The following COG4 variants were observed in gnomAD, a reference collection of about 807,000 sequenced individuals.
The protein encoded by COG4 is component of oligomeric golgi complex 4.
A neutral mutation model predicts 95.1 loss-of-function variants in COG4; 65 were observed. The observed-to-expected ratio is 0.68, with a 90% CI of 0.56 to 0.84. COG4 has a LOEUF of 0.84. Ranked by LOEUF, COG4 falls within the 40% of genes least tolerant of loss-of-function variation. COG4 has a pLI of 0.00. For missense variants in COG4, 1,045 were observed against 989.1 expected (o/e 1.06, Z -0.76); for synonymous variants, 421 against 374.8 (o/e 1.12, Z -1.42).
intron 9 of COG4, among the ~76,000 whole-genome samples, chr16:70,499,316 GAT>G (rs1229267773): frequency 2.6e-5 from 4 of 152,124 alleles, no homozygotes; most frequent in African/African-American, 9.7e-5. Context: ...TCTGAATAGT[GAT>G]AGTCATCATT....
At chr16:70,483,352 G>A (rs1393862731) in intron 14 of COG4, among the ~76,000 whole-genome samples, 4 of 143,636 alleles carry the variant, frequency 2.8e-5, no homozygotes, top group Middle Eastern at 3.5e-3. Context: ...ACTGCAGGGC[G>A]TTCTTCCAGC....
intron 2 of COG4, among the ~76,000 whole-genome samples, chr16:70,518,034 G>A (rs1667102492): frequency 1.3e-5 from 2 of 151,888 alleles, no homozygotes; most frequent in Admixed American, 6.6e-5. Context: ...GGGTTCAAGC[G>A]ATTCTCCTGC....
rs570008624 is a variant in COG4 at position 70,509,118 on chromosome 16, T to C, written c.1002+113A>G. On this transcript the variant is annotated intron_variant, in intron 7 of 18. Transcript: ENST00000323786. ...CAGGCCAGTGTGCGCTTAGCATTTA[T>C]TTTTCTCCTGTCTGCACCTTTTTTT... The C allele has an allele frequency of 3.0e-5, 41 of 1,366,372 alleles. No individual in the cohort carries two copies. The African/African-American group carries it at 5.6e-4, about 19-fold the overall frequency. 84.6% of individuals were successfully genotyped at this position (1,366,372 alleles called of 1,614,324 possible).
intron 5 of COG4, among the ~76,000 whole-genome samples, 196 bp downstream of exon 5, chr16:70,512,043 C>G (rs1170708968): frequency 6.6e-6 from 1 of 152,146 alleles, no homozygotes; most frequent in East Asian, 1.9e-4. Flanking sequence ...CTTGGCCATG[C>G]CTGGTACACA....
intron 5 of COG4, among the ~76,000 whole-genome samples, chr16:70,511,204 C>G (rs956447465): frequency 2.0e-5 from 3 of 152,158 alleles, no homozygotes; most frequent in Admixed American, 2.0e-4. Context: ...TCAGAGGTGA[C>G]CATTGTTAAC....
intron 1 of COG4, 61 bp downstream of exon 1, chr16:70,523,312 C>T: frequency 6.3e-7 from 1 of 1,596,546 alleles, no homozygotes; most frequent in Non-Finnish European, 8.6e-7. Context: ...CCGGATTTCC[C>T]GACTGAAGGC....
chr16:70,494,629 G>A (rs2049304693), intron 12 of COG4, among the ~76,000 whole-genome samples: 1 of 152,160 alleles, frequency 6.6e-6, no homozygotes, highest in African/African-American at 2.4e-5. Flanking sequence ...AACGGAACTG[G>A]AAAGGTGGTA....
intron 13 of COG4, among the ~76,000 whole-genome samples, chr16:70,487,103 C>T (rs2049153406): frequency 6.6e-6 from 1 of 151,536 alleles, no homozygotes; most frequent in African/African-American, 2.4e-5. Context: ...CCAGCCTAGA[C>T]AGCATGGTGA....
At chr16:70,505,834 A>G (rs1423260753) in intron 8 of COG4, among the ~76,000 whole-genome samples, 7 of 151,872 alleles carry the variant, frequency 4.6e-5, no homozygotes, top group Non-Finnish European at 7.4e-5. Context: ...GTCTCAAAAA[A>G]AGAAAATAAA....
intron 8 of COG4, among the ~76,000 whole-genome samples, chr16:70,503,256 T>C (rs541267023): frequency 6.6e-6 from 1 of 152,310 alleles, no homozygotes; most frequent in East Asian, 1.9e-4. Flanking sequence ...TTCCCCATGT[T>C]GTCCAGGCTG....
At chr16:70,521,276 G>A (rs993115287) in intron 1 of COG4, among the ~76,000 whole-genome samples, 2 of 151,960 alleles carry the variant, frequency 1.3e-5, no homozygotes, top group Admixed American at 6.6e-5. Flanking sequence ...GAGTGAAGTG[G>A]CCTGATCTTG....
chr16:70,485,932 A>C (rs1482442054), intron 13 of COG4, among the ~76,000 whole-genome samples: 1 of 137,300 alleles, frequency 7.3e-6, no homozygotes, highest in Non-Finnish European at 1.5e-5. Context: ...GTCTTGCTCT[A>C]TAACCCAGGC....
intron 14 of COG4, among the ~76,000 whole-genome samples, chr16:70,483,389 G>A (rs2049054788): frequency 6.7e-6 from 1 of 149,914 alleles, no homozygotes; most frequent in Admixed American, 6.7e-5. Flanking sequence ...GGCCCTGTTG[G>A]AGGTTATAAC....
intron 12 of COG4, among the ~76,000 whole-genome samples, chr16:70,492,936 TG>T (rs2049274142): frequency 6.6e-6 from 1 of 151,812 alleles, no homozygotes; most frequent in Non-Finnish European, 1.5e-5. Context: ...GCACCCCAGC[TG>T]GGGCAACAAG....
chr16:70,501,089 T>A lies in COG4; in HGVS notation c.1064A>T (p.Glu355Val). ...GACCTCAGTCAGGATGGGGTCCAGTTCTCTGAGACACATGGAGCAGAAGGA... is the reference window on the plus strand; with the variant it reads ...GACCTCAGTCAGGATGGGGTCCAGTACTCTGAGACACATGGAGCAGAAGGA... ...NSTTEKIEPR[E>V]LDPILTEVTL... The change falls in exon 9 of 19, where the codon GAA becomes GTA. Residue 355 changes from glutamate to valine, a missense_variant and splice_region_variant. Physicochemically the swap from Glu to Val is moderately radical, Grantham distance 121. Transcript: ENST00000323786. 1 of 1,613,228 alleles carries A rather than the reference T, an allele frequency of 6.2e-7. No individual in the cohort carries two copies. Among genetic ancestry groups the A allele is most frequent in the Non-Finnish European group, 8.5e-7 (1 of 1,180,000 alleles).
chr16:70,481,186 A>T (rs769296187), intron 18 of COG4, 42 bp from the exon 19 acceptor site: 19 of 1,612,862 alleles, frequency 1.2e-5, no homozygotes, highest in African/African-American at 4.0e-5. Context: ...AGGTGGGGTT[A>T]TTCTGAAAGA....
chr16:70,506,347 G>A (rs1271701871), intron 8 of COG4, among the ~76,000 whole-genome samples: 5 of 151,812 alleles, frequency 3.3e-5, no homozygotes, highest in African/African-American at 4.8e-5. Flanking sequence ...AGCTTGCAGG[G>A]AGCCGAGATC....
intron 10 of COG4, 132 bp from the exon 11 acceptor site, chr16:70,497,519 A>G (rs891567240): frequency 2.3e-6 from 2 of 855,204 alleles, no homozygotes; most frequent in African/African-American, 3.3e-5. Context: ...CATGGCGTGC[A>G]TCCTCCTTGT....
intron 6 of COG4, 164 bp downstream of exon 6, chr16:70,509,752 A>G (rs1289668086): frequency 1.3e-5 from 9 of 674,028 alleles, no homozygotes; most frequent in Non-Finnish European, 2.4e-5. Context: ...AATCTTTGCT[A>G]ATCAGGCACT....
Sources: allele counts gnomAD v4.1 joint callset (sites outside exome capture counted in the v4.1 genomes callset), GRCh38; gene constraint gnomAD v4.1.1; transcripts MANE v1.5; gene names NCBI Gene and HGNC (gene_info 2026-07-23, HGNC 2026-07-21).